The following SLC7A1 variants were observed in gnomAD, a reference collection of about 807,000 sequenced individuals.
SLC7A1 encodes high affinity cationic amino acid transporter 1.
Under a neutral mutation model 53.9 loss-of-function variants are expected in SLC7A1, and 10 were observed. The ratio of observed to expected loss-of-function variants is 0.19; its 90% CI spans 0.11 to 0.31. The LOEUF (loss-of-function observed/expected upper bound fraction) is 0.31, where lower values mean the gene tolerates loss of function less well. SLC7A1 is among the 10% of genes least tolerant of loss of function. The pLI is 1.00. For missense variants in SLC7A1, 525 were observed against 827.2 expected (o/e 0.63, Z 4.48); for synonymous variants, 342 against 338.7 (o/e 1.01, Z -0.11).
intron 10 of SLC7A1, 107 bp from the exon 11 acceptor site, chr13:29,517,417 G>T: frequency 7.6e-7 from 1 of 1,314,160 alleles, no homozygotes; most frequent in South Asian, 1.4e-5. Context: ...CTCCATTTCC[G>T]AAGGCACAAC....
Position 29,524,169 on chromosome 13 carries a change from G to A in SLC7A1, c.789C>T (p.Phe263=). Residue 263 remains phenylalanine (F), a synonymous_variant, in exon 6 of 13, where the codon TTC becomes TTT. Coordinates refer to ENST00000380752, the MANE Select transcript of SLC7A1 (RefSeq NM_003045.5). ...TGCAGTCAAAGCCCACGAAGGCATAGAAGCAAGTCGCTGCCCCCGACAGGA... is the reference window on the plus strand; with the variant it reads ...TGCAGTCAAAGCCCACGAAGGCATAAAAGCAAGTCGCTGCCCCCGACAGGA... The part of the protein sequence containing the change: ...SGVLSGAATC[F]YAFVGFDCIA... The A allele has an allele frequency of 6.2e-7, 1 of 1,614,090 alleles. No individual in the cohort carries two copies.
At chr13:29,542,010 T>A (rs1477578549) in intron 2 of SLC7A1, among the ~76,000 whole-genome samples, 1 of 152,192 alleles carries the variant, frequency 6.6e-6, no homozygotes, top group Non-Finnish European at 1.5e-5. Context: ...ATAATACTTT[T>A]CAAAATTCTC....
intron 1 of SLC7A1, among the ~76,000 whole-genome samples, chr13:29,566,250 G>T (rs182946898): frequency 1.3e-5 from 2 of 152,286 alleles, no homozygotes; most frequent in East Asian, 3.9e-4. Context: ...GTGCACAGAG[G>T]TACAATACAG....
At chr13:29,546,911 CA>C (rs1869945122) in intron 2 of SLC7A1, among the ~76,000 whole-genome samples, 1 of 152,172 alleles carries the variant, frequency 6.6e-6, no homozygotes, top group African/African-American at 2.4e-5. Context: ...TAAATCCCCA[CA>C]AGGAAGCAAT....
intron 1 of SLC7A1, among the ~76,000 whole-genome samples, chr13:29,572,357 G>A (rs1156988284): frequency 1.3e-5 from 2 of 152,182 alleles, no homozygotes; most frequent in African/African-American, 2.4e-5. Context: ...AATGGCAGGC[G>A]CCACCTAAAG....
intron 2 of SLC7A1, among the ~76,000 whole-genome samples, chr13:29,549,993 G>A (rs1047104232): frequency 6.6e-6 from 1 of 152,170 alleles, no homozygotes; most frequent in Non-Finnish European, 1.5e-5. Context: ...AATTCTTAAA[G>A]GCTGAAAAGA....
chr13:29,551,637 T>C (rs1484480487), intron 2 of SLC7A1, among the ~76,000 whole-genome samples: 1 of 152,274 alleles, frequency 6.6e-6, no homozygotes, highest in East Asian at 1.9e-4. Flanking sequence ...TGTTCTAAAA[T>C]AGTCTGTTAA....
intron 1 of SLC7A1, among the ~76,000 whole-genome samples, chr13:29,561,799 T>C (rs1354466850): frequency 4.6e-5 from 7 of 152,160 alleles, no homozygotes; most frequent in African/African-American, 1.7e-4. Flanking sequence ...CCTTTTGTGA[T>C]GGGCCCCACA....
Position 29,556,453 on chromosome 13 carries a change from C to T in SLC7A1, c.-114-2593G>A, listed in dbSNP as rs374516931. On this transcript the variant is annotated intron_variant, in intron 1 of 12. Coordinates refer to ENST00000380752, the MANE Select transcript of SLC7A1 (RefSeq NM_003045.5). ...AATGCAGTGGCACAATCTTGGCTCA[C>T]TGCTGCCTCGACCTCCCTAGACTCA... Among the ~76,000 whole-genome samples, 4 of 152,308 alleles carry T rather than the reference C, an allele frequency of 2.6e-5. No individual in the cohort carries two copies. The East Asian group carries it at 7.7e-4, about 29-fold the overall frequency.
chr13:29,592,220 C>T (rs1040344288), intron 1 of SLC7A1, among the ~76,000 whole-genome samples: 1 of 152,186 alleles, frequency 6.6e-6, no homozygotes, highest in Non-Finnish European at 1.5e-5. Context: ...TTCCAGTTAT[C>T]CAGTGTGTTC....
At chr13:29,591,718 A>G (rs576535018) in intron 1 of SLC7A1, among the ~76,000 whole-genome samples, 2 of 152,328 alleles carry the variant, frequency 1.3e-5, no homozygotes, top group East Asian at 3.9e-4. Context: ...CAAGGGGACA[A>G]TCAGAAAAAA....
At chr13:29,579,192 C>A (rs903300969) in intron 1 of SLC7A1, among the ~76,000 whole-genome samples, 1 of 152,150 alleles carries the variant, frequency 6.6e-6, no homozygotes, top group Admixed American at 6.5e-5. Flanking sequence ...TGAAAAATAA[C>A]TTCTCTCAGG....
intron 1 of SLC7A1, among the ~76,000 whole-genome samples, chr13:29,555,375 A>AAAAAAAAAAAAAAAT: frequency 7.0e-6 from 1 of 142,228 alleles, no homozygotes; most frequent in Non-Finnish European, 1.6e-5. Context: ...AAAAAAAAAA[A>AAAAAAAAAAAAAAAT]AAAAAAGAAT....
At position 29,536,045 on chromosome 13, in the gene SLC7A1, A is replaced by G. The variant is rs1210644747; in HGVS notation, c.144T>C (p.Ala48=). Residue 48 remains alanine, a synonymous_variant, in exon 3 of 13, where the codon GCT becomes GCC. Transcript: ENST00000380752. ...VALGVGSTLG[A]GVYVLAGAVA... ...CAGCTCCAGCCAGGACGTAGACACC[A>G]GCACCCAGTGTGCTGCCCACCCCGA... The G allele has an allele frequency of 6.2e-7, 1 of 1,613,912 alleles. No homozygotes were observed. Among genetic ancestry groups the G allele is most frequent in the Non-Finnish European group, 8.5e-7 (1 of 1,180,032 alleles).
chr13:29,588,596 C>G (rs1320042167), intron 1 of SLC7A1, among the ~76,000 whole-genome samples: 1 of 150,546 alleles, frequency 6.6e-6, no homozygotes, highest in African/African-American at 2.4e-5. Context: ...CTCCGCCTCC[C>G]GGGTTCAAGT....
At position 29,594,727 on chromosome 13, in the gene SLC7A1, T is replaced by C. The variant is rs1022690708; in HGVS notation, c.-115+689A>G. Among the ~76,000 whole-genome samples, 3 of 152,286 alleles carry C rather than the reference T, an allele frequency of 2.0e-5. No homozygotes were observed. In the East Asian group the frequency reaches 5.8e-4, roughly 29 times the overall value. ...ACACTGGGTCACAAGGAAGCCCACC[T>C]AGGGGAGACTTCCTCAAAGCAATCT... is the stretch of plus-strand genomic sequence containing the variant. On this transcript the variant is annotated intron_variant, in intron 1 of 12. Coordinates refer to ENST00000380752, the MANE Select transcript of SLC7A1 (RefSeq NM_003045.5).
intron 5 of SLC7A1, among the ~76,000 whole-genome samples, chr13:29,526,505 A>T (rs962577994): frequency 4.6e-5 from 7 of 152,210 alleles, no homozygotes; most frequent in Admixed American, 2.0e-4. Context: ...AATAATTTTT[A>T]AAAATTAAAA....
chr13:29,579,746 C>T (rs1402926480), intron 1 of SLC7A1, among the ~76,000 whole-genome samples: 1 of 152,158 alleles, frequency 6.6e-6, no homozygotes, highest in Admixed American at 6.5e-5. Flanking sequence ...GGCCCAAGTT[C>T]CTCCGGAGTA....
intron 2 of SLC7A1, among the ~76,000 whole-genome samples, chr13:29,549,289 A>T (rs1405603888): frequency 6.6e-6 from 1 of 152,248 alleles, no homozygotes; most frequent in East Asian, 1.9e-4. Flanking sequence ...ACCAGGAGGA[A>T]GCCAGCGAAG....
Sources: gnomAD v4.1 joint callset for allele counts (sites outside exome capture counted in the v4.1 genomes callset) on GRCh38, gnomAD v4.1.1 for gene constraint, MANE v1.5 for transcripts, NCBI Gene and HGNC (gene_info 2026-07-23, HGNC 2026-07-21) for gene names.